The following ESRRG variants were observed in gnomAD, a reference collection of about 807,000 sequenced individuals.
The protein encoded by ESRRG is estrogen related receptor gamma.
ESRRG carries 13 observed loss-of-function variants against 44.0 expected under a neutral mutation model. The ratio of observed to expected loss-of-function variants is 0.30; its 90% CI spans 0.19 to 0.47. The LOEUF is 0.47. ESRRG is among the 20% of genes least tolerant of loss of function. The pLI is 1.00. For synonymous variants in ESRRG, 215 were observed against 214.6 expected (o/e 1.00, Z -0.02); for missense variants, 395 against 580.6 (o/e 0.68, Z 3.29).
At chr1:216,846,593 T>C (rs1333161436) in intron 2 of ESRRG, among the ~76,000 whole-genome samples, 3 of 152,300 alleles carry the variant, frequency 2.0e-5, no homozygotes, top group Non-Finnish European at 4.4e-5. Context: ...ACCCAACCCC[T>C]GGCCTAGATC....
At chr1:216,517,487 A>G (rs1558209130) in intron 6 of ESRRG, among the ~76,000 whole-genome samples, 1 of 152,218 alleles carries the variant, frequency 6.6e-6, no homozygotes, top group Admixed American at 6.5e-5. Context: ...CTCAGCATTC[A>G]TGGTTAGTTA....
At chr1:216,977,926 C>T (rs889438010) in intron 1 of ESRRG, among the ~76,000 whole-genome samples, 1 of 152,132 alleles carries the variant, frequency 6.6e-6, no homozygotes, top group Non-Finnish European at 1.5e-5. Context: ...TTTCCCCTTG[C>T]TTGCACGTGC....
chr1:216,848,801 C>T (rs538966768), intron 2 of ESRRG, among the ~76,000 whole-genome samples: 2 of 152,044 alleles, frequency 1.3e-5, no homozygotes, highest in Admixed American at 6.6e-5. Context: ...AAGAACAGTA[C>T]ATGCACTTTT....
intron 5 of ESRRG, among the ~76,000 whole-genome samples, chr1:216,549,085 C>A (rs1305386802): frequency 6.6e-6 from 1 of 151,996 alleles, no homozygotes; most frequent in East Asian, 1.9e-4. Context: ...ATTTCAAGTG[C>A]CACCGAAATA....
In ESRRG at chr1:216,680,998, T is replaced by A. The variant is rs145000710; in HGVS notation, c.57-3507A>T. Among the ~76,000 whole-genome samples, 29 of 152,004 alleles carry A rather than the reference T, an allele frequency of 1.9e-4. No homozygotes were observed. In the East Asian group the frequency reaches 5.4e-3, roughly 28 times the overall value. On this transcript the variant is annotated intron_variant, in intron 1 of 6. Coordinates refer to ENST00000408911, the MANE Select transcript of ESRRG (RefSeq NM_001438.4). The stretch of plus-strand genomic sequence containing the variant: ...TGTAGCCAAAGAGAATAAGCCCAAT[T>A]CCACATTGTGCTGTTAATGCAGAAA...
chr1:216,551,606 A>G (rs1205497199), intron 5 of ESRRG, among the ~76,000 whole-genome samples: 1 of 152,168 alleles, frequency 6.6e-6, no homozygotes, highest in African/African-American at 2.4e-5. Flanking sequence ...CAGAGTGCAG[A>G]GGGTCAGACA....
intron 2 of ESRRG, among the ~76,000 whole-genome samples, chr1:216,919,296 C>T (rs551098212): frequency 6.6e-6 from 1 of 152,222 alleles, no homozygotes; most frequent in South Asian, 2.1e-4. Flanking sequence ...CTAGTCTTTC[C>T]CTTCATAGAG....
upstream of ESRRG, among the ~76,000 whole-genome samples, chr1:217,092,360 C>T (rs956848184): frequency 4.6e-5 from 7 of 152,140 alleles, no homozygotes; most frequent in East Asian, 5.8e-4. Flanking sequence ...AAACTTTACT[C>T]ATGCTTAGAC....
At chr1:216,905,546 G>A (rs1210899149) in intron 2 of ESRRG, among the ~76,000 whole-genome samples, 1 of 152,040 alleles carries the variant, frequency 6.6e-6, no homozygotes, top group Admixed American at 6.6e-5. Flanking sequence ...ATTCTGGATA[G>A]TCCTCTTTGT....
Position 217,008,185 on chromosome 1 carries a change from CT to C in ESRRG, c.-105-68513del, listed in dbSNP as rs558788958. Among the ~76,000 whole-genome samples the C allele has an allele frequency of 2.9e-4, 44 of 152,342 alleles. No homozygotes were observed. The East Asian group carries it at 8.3e-3, about 29-fold the overall frequency. The stretch of plus-strand genomic sequence containing the variant: ...TTAATTCCTTTCAGGCTGTCTGCCA[CT>C]GTGAGATATGGGCAACGTAACTATT... On this transcript the variant is annotated intron_variant, in intron 1 of 7. Transcript: ENST00000359162.
chr1:216,840,860 G>A (rs1413711641), intron 2 of ESRRG, among the ~76,000 whole-genome samples: 1 of 152,050 alleles, frequency 6.6e-6, no homozygotes, highest in East Asian at 1.9e-4. Flanking sequence ...CCCAAAATAA[G>A]CACAATAATA....
At chr1:216,978,246 A>T (rs2150361549) in intron 1 of ESRRG, among the ~76,000 whole-genome samples, 1 of 152,250 alleles carries the variant, frequency 6.6e-6, no homozygotes, top group African/African-American at 2.4e-5. Context: ...AAAAAGTTTT[A>T]TTGGGACACA....
intron 2 of ESRRG, among the ~76,000 whole-genome samples, chr1:216,858,097 G>C (rs888534932): frequency 2.0e-5 from 3 of 152,054 alleles, no homozygotes; most frequent in African/African-American, 7.2e-5. Context: ...TGAGAAGACG[G>C]ATATGAAAAC....
chr1:216,750,908 C>A (rs2091946406), intron 2 of ESRRG, among the ~76,000 whole-genome samples: 1 of 152,108 alleles, frequency 6.6e-6, no homozygotes, highest in Admixed American at 6.6e-5. Context: ...TGTGTTTAAC[C>A]ATTTTCTCAC....
chr1:216,868,701 T>G (rs1230896950), intron 2 of ESRRG, among the ~76,000 whole-genome samples: 1 of 152,192 alleles, frequency 6.6e-6, no homozygotes, highest in South Asian at 2.1e-4. Context: ...TGTGCAAGTT[T>G]CAGTTGCTCT....
chr1:216,936,940 AG>A, intron 2 of ESRRG, among the ~76,000 whole-genome samples: 1 of 152,248 alleles, frequency 6.6e-6, no homozygotes, highest in African/African-American at 2.4e-5. Flanking sequence ...GCACATACCC[AG>A]GGGCAGAACT....
At chr1:216,776,895 C>T (rs748503308) in intron 2 of ESRRG, among the ~76,000 whole-genome samples, 9 of 152,156 alleles carry the variant, frequency 5.9e-5, no homozygotes, top group Non-Finnish European at 1.0e-4. Flanking sequence ...CACACCTTCA[C>T]AACCATTGGG....
chr1:217,135,914 T>TC (rs530825674), intron 1 of ESRRG, among the ~76,000 whole-genome samples: 16 of 151,682 alleles, frequency 1.1e-4, no homozygotes, highest in African/African-American at 3.9e-4. Context: ...TTGCTCAAGA[T>TC]CCCCCCTTTT....
intron 2 of ESRRG, among the ~76,000 whole-genome samples, chr1:216,915,276 AC>A (rs2061007901): frequency 6.6e-6 from 1 of 152,144 alleles, no homozygotes; most frequent in South Asian, 2.1e-4. Context: ...CAGCAAGGTC[AC>A]CACTGCTCTG....
Sources: gnomAD v4.1 joint callset for allele counts (sites outside exome capture counted in the v4.1 genomes callset) on GRCh38, gnomAD v4.1.1 for gene constraint, MANE v1.5 for transcripts, NCBI Gene and HGNC (gene_info 2026-07-23, HGNC 2026-07-21) for gene names.